Variants in TMEM131L observed in about 807,000 individuals in gnomAD.
TMEM131L encodes the protein transmembrane 131 like, also known as transmembrane protein 131-like.
A neutral mutation model predicts 192.2 loss-of-function variants in TMEM131L; 54 were observed. The ratio of observed to expected loss-of-function variants is 0.28; its 90% CI spans 0.23 to 0.35. The LOEUF (loss-of-function observed/expected upper bound fraction) is 0.35. TMEM131L is among the 10% of genes least tolerant of loss of function. The pLI is 1.00. For missense variants in TMEM131L, 1,888 were observed against 1,972.9 expected, an observed-to-expected ratio of 0.96 and a Z score of 0.82; for synonymous variants, 701 against 704.9, an observed-to-expected ratio of 0.99 and a Z score of 0.09.
At chr4:153,520,929 C>G (rs1479321793) in intron 3 of TMEM131L, among the ~76,000 whole-genome samples, 1 of 152,144 alleles carries the variant, frequency 6.6e-6, no homozygotes, top group Non-Finnish European at 1.5e-5. Context: ...TCCTTTACTT[C>G]CTGGAATTTA....
intron 32 of TMEM131L, 40 bp downstream of exon 32, chr4:153,632,878 A>G (rs1310464582): frequency 8.1e-6 from 13 of 1,609,376 alleles, no homozygotes; most frequent in South Asian, 2.2e-5. Context: ...TGCTTAGTCT[A>G]AGGGCTTGCA....
In TMEM131L at chr4:153,494,869, C is replaced by T. The variant is rs77521624; in HGVS notation, c.239+20981C>T. Among the ~76,000 whole-genome samples, 111 of 152,330 alleles carry T rather than the reference C, an allele frequency of 7.3e-4. 2 individuals are homozygous for T. The Middle Eastern group carries it at 0.027, about 37-fold the overall frequency. ...TTAGACATTTGCTCTGAGACCAGTGCATTGGGTGACCTGCCGGGGCTCCTG... is the reference window on the plus strand; with the variant it reads ...TTAGACATTTGCTCTGAGACCAGTGTATTGGGTGACCTGCCGGGGCTCCTG... On this transcript the variant is annotated intron_variant, in intron 3 of 34. Coordinates refer to ENST00000409959, the MANE Select transcript of TMEM131L (RefSeq NM_001131007.2).
chr4:153,562,865 G>C (rs1053277676), intron 7 of TMEM131L, among the ~76,000 whole-genome samples: 1 of 152,168 alleles, frequency 6.6e-6, no homozygotes, highest in African/African-American at 2.4e-5. Context: ...TTTTATGTAC[G>C]TCAGTTGAAT....
intron 26 of TMEM131L, among the ~76,000 whole-genome samples, chr4:153,613,848 T>A (rs1326459345): frequency 6.6e-6 from 1 of 152,230 alleles, no homozygotes; most frequent in Non-Finnish European, 1.5e-5. Flanking sequence ...TTCTCTTTTA[T>A]TAAAACTTTA....
chr4:153,499,575 C>T (rs1358586806), intron 3 of TMEM131L, among the ~76,000 whole-genome samples: 4 of 151,932 alleles, frequency 2.6e-5, no homozygotes, highest in Non-Finnish European at 4.4e-5. Context: ...TACAGGCACG[C>T]GCCACCATGC....
intron 19 of TMEM131L, 116 bp from the exon 20 acceptor site, chr4:153,596,142 G>T (rs7690932): frequency 0.31 from 371,286 of 1,201,268 alleles, 59,951 homozygotes; most frequent in Non-Finnish European, 0.33. Flanking sequence ...TTGATTAGGA[G>T]GATCAAATCT....
chr4:153,586,098 G>A, intron 13 of TMEM131L, 111 bp from the exon 14 acceptor site: 1 of 777,134 alleles, frequency 1.3e-6, no homozygotes, highest in Non-Finnish European at 1.9e-6. Context: ...AAATAACTGA[G>A]TAAAATCATA....
chr4:153,480,856 G>C (rs148576248), intron 3 of TMEM131L, among the ~76,000 whole-genome samples: 51 of 152,224 alleles, frequency 3.4e-4, no homozygotes, highest in African/African-American at 1.2e-3. Context: ...CTGAGCTTCT[G>C]GGCCTCTCGC....
chr4:153,561,097 A>G (rs1213079894), intron 7 of TMEM131L, among the ~76,000 whole-genome samples: 5 of 152,210 alleles, frequency 3.3e-5, no homozygotes, highest in African/African-American at 1.2e-4. Flanking sequence ...ATGAAGTGGT[A>G]TCTCATGTGG....
chr4:153,569,720 A>T (rs1442335791), intron 7 of TMEM131L, among the ~76,000 whole-genome samples: 1 of 152,244 alleles, frequency 6.6e-6, no homozygotes, highest in African/African-American at 2.4e-5. Context: ...ATGTAATAAT[A>T]GCCCTTTCGG....
chr4:153,557,170 A>G (rs1728527860), intron 6 of TMEM131L, 88 bp downstream of exon 6: 1 of 687,760 alleles, frequency 1.5e-6, no homozygotes, highest in African/African-American at 1.8e-5. Context: ...ACTTTTGGAA[A>G]TGTTGTCACC....
At chr4:153,536,845 G>A (rs1285209571) in intron 3 of TMEM131L, among the ~76,000 whole-genome samples, 1 of 151,868 alleles carries the variant, frequency 6.6e-6, no homozygotes, top group South Asian at 2.1e-4. Context: ...AAACCAGTCC[G>A]AGTCCCAAAG....
At chr4:153,631,583 C>T (rs1207375407) in intron 31 of TMEM131L, among the ~76,000 whole-genome samples, 3 of 152,166 alleles carry the variant, frequency 2.0e-5, no homozygotes, top group African/African-American at 4.8e-5. Flanking sequence ...CAGAAAGAGA[C>T]ACTATATGTT....
At chr4:153,538,544 G>C (rs1455807182) in intron 3 of TMEM131L, among the ~76,000 whole-genome samples, 1 of 147,972 alleles carries the variant, frequency 6.8e-6, no homozygotes, top group East Asian at 1.9e-4. Context: ...TATTGCTTCA[G>C]CCACTTAGCT....
intron 3 of TMEM131L, among the ~76,000 whole-genome samples, chr4:153,537,807 A>G (rs1211221766): frequency 6.6e-6 from 1 of 152,172 alleles, no homozygotes; most frequent in Non-Finnish European, 1.5e-5. Flanking sequence ...CCTATTTAAG[A>G]TGGAGTTGCT....
At chr4:153,515,394 G>T (rs943321508) in intron 3 of TMEM131L, among the ~76,000 whole-genome samples, 1 of 152,134 alleles carries the variant, frequency 6.6e-6, no homozygotes, top group Non-Finnish European at 1.5e-5. Flanking sequence ...TGTTTTCGGG[G>T]TTTACCACAT....
At chr4:153,520,798 A>T (rs1445948770) in intron 3 of TMEM131L, among the ~76,000 whole-genome samples, 1 of 152,218 alleles carries the variant, frequency 6.6e-6, no homozygotes, top group Non-Finnish European at 1.5e-5. Context: ...TTAATAATTA[A>T]CTGTGAAGAA....
At chr4:153,577,923 T>G (rs1456473304) in intron 7 of TMEM131L, among the ~76,000 whole-genome samples, 2 of 152,144 alleles carry the variant, frequency 1.3e-5, no homozygotes, top group Non-Finnish European at 2.9e-5. Context: ...TGGAGAGGAC[T>G]AAGCTAGGGG....
chr4:153,525,829 G>A (rs1179791169), intron 3 of TMEM131L, among the ~76,000 whole-genome samples: 1 of 151,852 alleles, frequency 6.6e-6, no homozygotes, highest in Non-Finnish European at 1.5e-5. Flanking sequence ...TCTGTGGTGG[G>A]GCCTGCGATT....
Sources: gnomAD v4.1 joint callset for allele counts (sites outside exome capture counted in the v4.1 genomes callset) on GRCh38, gnomAD v4.1.1 for gene constraint, MANE v1.5 for transcripts, NCBI Gene and HGNC (gene_info 2026-07-23, HGNC 2026-07-21) for gene names.